NRG3: variants seen among roughly 807,000 people sequenced by gnomAD.
The protein encoded by NRG3 is pro-neuregulin-3, membrane-bound isoform.
Under a neutral mutation model 66.9 loss-of-function variants are expected in NRG3, and 31 were observed. The observed-to-expected ratio is 0.46, with a 90% CI of 0.35 to 0.63. The LOEUF (loss-of-function observed/expected upper bound fraction) is 0.63, where lower values mean the gene tolerates loss of function less well. Ranked by LOEUF, NRG3 falls within the 20% of genes least tolerant of loss-of-function variation. The pLI, the probability that NRG3 is intolerant of heterozygous loss-of-function variation, is 0.00. For synonymous variants in NRG3, 393 were observed against 359.4 expected, an observed-to-expected ratio of 1.09 and a Z score of -1.06; for missense variants, 910 against 878.9, an observed-to-expected ratio of 1.04 and a Z score of -0.45.
chr10:82,376,035 G>T (rs2085208433), intron 2 of NRG3, among the ~76,000 whole-genome samples: 1 of 152,178 alleles, frequency 6.6e-6, no homozygotes, highest in South Asian at 2.1e-4. Flanking sequence ...CTTCATGCCA[G>T]TGCCTCACAG....
At chr10:82,090,065 G>T (rs1260074683) in intron 1 of NRG3, among the ~76,000 whole-genome samples, 1 of 152,130 alleles carries the variant, frequency 6.6e-6, no homozygotes, top group Non-Finnish European at 1.5e-5. Flanking sequence ...ATATAAGTGG[G>T]TTTCTCTTTT....
chr10:82,928,863 C>T (rs1312278202), intron 4 of NRG3, among the ~76,000 whole-genome samples: 2 of 152,180 alleles, frequency 1.3e-5, no homozygotes. Flanking sequence ...CCTCACACTC[C>T]ATACCCATTT....
At chr10:82,173,301 T>C (rs1739779) in intron 1 of NRG3, among the ~76,000 whole-genome samples, 123,012 of 151,848 alleles carry the variant, frequency 0.81, 49,906 homozygotes, top group South Asian at 0.89. Context: ...CATTCAGGAC[T>C]GTTTGACAGT....
chr10:82,071,326 A>T (rs1470660354), intron 1 of NRG3, among the ~76,000 whole-genome samples: 2 of 152,164 alleles, frequency 1.3e-5, no homozygotes, highest in Non-Finnish European at 2.9e-5. Context: ...CTGAGCAAGG[A>T]TGGGGATAAT....
At chr10:82,076,200 A>G (rs2065080190) in intron 1 of NRG3, among the ~76,000 whole-genome samples, 1 of 152,170 alleles carries the variant, frequency 6.6e-6, no homozygotes, top group South Asian at 2.1e-4. Context: ...CTAAGTCTTC[A>G]CAGTGCAGGT....
chr10:82,102,003 GTA>G (rs142461785), intron 1 of NRG3, among the ~76,000 whole-genome samples: 34 of 129,178 alleles, frequency 2.6e-4, no homozygotes, highest in East Asian at 1.1e-3. Flanking sequence ...ATATGTGTGC[GTA>G]TATATATATA....
At position 81,917,171 on chromosome 10, in the gene NRG3, AAATTATT is replaced by A. The variant is rs544833816; in HGVS notation, c.823+41011_823+41017del. Among the ~76,000 whole-genome samples the A allele has an allele frequency of 7.5e-3, 1,143 of 152,364 alleles. 6 individuals carry two copies. Among genetic ancestry groups the A allele is most frequent in the Non-Finnish European group, 0.012 (841 of 68,026 alleles). On this transcript the variant is annotated intron_variant, in intron 1 of 8. Transcript: ENST00000372141. Reference sequence around the variant, plus strand: ...ATTTTAACCAGCTTAGATTAAAATTAAATTATTAAGTGTACTTAAATTAACTTATTCA... The same window carrying A: ...ATTTTAACCAGCTTAGATTAAAATTAAAGTGTACTTAAATTAACTTATTCA...
chr10:82,176,305 C>T (rs958849514), intron 1 of NRG3, among the ~76,000 whole-genome samples: 2 of 152,128 alleles, frequency 1.3e-5, no homozygotes, highest in Non-Finnish European at 2.9e-5. Flanking sequence ...GAGAACTCCT[C>T]TTTCCCAACT....
At chr10:82,082,876 A>C (rs1332701488) in intron 1 of NRG3, among the ~76,000 whole-genome samples, 1 of 152,046 alleles carries the variant, frequency 6.6e-6, no homozygotes, top group Admixed American at 6.6e-5. Context: ...TAAAACTATC[A>C]TGAATGTATT....
intron 1 of NRG3, among the ~76,000 whole-genome samples, chr10:82,223,680 CACATACACA>C (rs2076045495): frequency 7.4e-6 from 1 of 134,428 alleles, no homozygotes. Flanking sequence ...CACACACACA[CACATACACA>C]CCACCCACGT....
intron 1 of NRG3, among the ~76,000 whole-genome samples, chr10:82,214,049 G>A (rs1021064757): frequency 7.2e-5 from 11 of 152,158 alleles, no homozygotes; most frequent in African/African-American, 2.2e-4. Context: ...GTGTCTGGAG[G>A]CATTGGAAAG....
Position 82,297,783 on chromosome 10 carries a change from T to A in NRG3, c.824-60956T>A, listed in dbSNP as rs371764811. Among the ~76,000 whole-genome samples the A allele has an allele frequency of 6.6e-5, 10 of 152,310 alleles. 1 individual carries two copies. The highest frequency in any genetic ancestry group is 2.4e-4 in the African/African-American group (10 of 41,584). On this transcript the variant is annotated intron_variant, in intron 1 of 8. Transcript: ENST00000372141. ...GCATATGTGCTATTGCACTTTTTTA[T>A]TGTATACATTGTATTGTTTTTTTCC...
intron 2 of NRG3, among the ~76,000 whole-genome samples, chr10:82,694,389 T>C (rs2055205555): frequency 6.6e-6 from 1 of 152,168 alleles, no homozygotes; most frequent in South Asian, 2.1e-4. Context: ...GCAGATTATT[T>C]TTTGGCAGTT....
At chr10:82,454,010 A>T (rs1271476246) in intron 2 of NRG3, among the ~76,000 whole-genome samples, 3 of 152,252 alleles carry the variant, frequency 2.0e-5, no homozygotes, top group Non-Finnish European at 4.4e-5. Flanking sequence ...GCTCTCTTTC[A>T]TAATCATATT....
chr10:82,860,586 C>T (rs192137719), intron 3 of NRG3, among the ~76,000 whole-genome samples: 43 of 152,270 alleles, frequency 2.8e-4, no homozygotes, highest in East Asian at 1.7e-3. Context: ...TTATAAATTG[C>T]TGTGAGATAA....
chr10:82,264,490 T>A (rs1351398166), intron 1 of NRG3, among the ~76,000 whole-genome samples: 1 of 152,096 alleles, frequency 6.6e-6, no homozygotes, highest in Non-Finnish European at 1.5e-5. Flanking sequence ...AAGGTGAGAT[T>A]TGGGTGGGGA....
At chr10:82,660,792 ACTT>A (rs367898796) in intron 2 of NRG3, among the ~76,000 whole-genome samples, 30 of 152,170 alleles carry the variant, frequency 2.0e-4, no homozygotes, top group African/African-American at 7.2e-4. Context: ...CTTACGGTTC[ACTT>A]CTTATCAGTT....
At chr10:82,841,777 G>C (rs536079749) in intron 3 of NRG3, among the ~76,000 whole-genome samples, 1 of 152,272 alleles carries the variant, frequency 6.6e-6, no homozygotes, top group Admixed American at 6.5e-5. Context: ...TTAAATAACT[G>C]GGTACTATAG....
At chr10:82,605,936 T>A (rs186609009) in intron 2 of NRG3, among the ~76,000 whole-genome samples, 6 of 152,234 alleles carry the variant, frequency 3.9e-5, no homozygotes, top group Admixed American at 3.9e-4. Flanking sequence ...GTCTTTCTTT[T>A]TCTTAGTTAA....
Sources: gnomAD v4.1 joint callset for allele counts (sites outside exome capture counted in the v4.1 genomes callset) on GRCh38, gnomAD v4.1.1 for gene constraint, MANE v1.5 for transcripts, NCBI Gene and HGNC (gene_info 2026-07-23, HGNC 2026-07-21) for gene names.